VRK2: variants seen among roughly 807,000 people sequenced by gnomAD.
The protein encoded by VRK2 is VRK serine/threonine kinase 2.
A neutral mutation model predicts 57.6 loss-of-function variants in VRK2; 60 were observed. That is an observed-to-expected ratio of 1.04 (90% CI 0.85 to 1.29). The LOEUF (loss-of-function observed/expected upper bound fraction) is 1.29. Ranked by LOEUF, VRK2 falls within the 50% of genes most tolerant of loss-of-function variation. VRK2 has a pLI of 0.00. For synonymous variants in VRK2, 231 were observed against 199.2 expected (o/e 1.16, Z -1.35); for missense variants, 705 against 588.1 (o/e 1.20, Z -2.06).
intron 1 of VRK2, among the ~76,000 whole-genome samples, chr2:57,994,845 T>C (rs1672877329): frequency 6.6e-6 from 1 of 152,160 alleles, no homozygotes; most frequent in South Asian, 2.1e-4. Context: ...AATTCCTATA[T>C]TTTCCCAAAC....
chr2:58,027,937 T>C (rs557304749), intron 2 of VRK2, among the ~76,000 whole-genome samples: 1 of 152,158 alleles, frequency 6.6e-6, no homozygotes, highest in Admixed American at 6.6e-5. Flanking sequence ...AACAACATAG[T>C]TTTAGAAAAA....
intron 1 of VRK2, among the ~76,000 whole-genome samples, chr2:57,974,585 A>C (rs1672191640): frequency 6.6e-6 from 1 of 151,922 alleles, no homozygotes; most frequent in Admixed American, 6.6e-5. Flanking sequence ...CTGAAAGTAT[A>C]GACTCTTTAG....
chr2:57,982,691 G>A (rs1415403575), intron 1 of VRK2, among the ~76,000 whole-genome samples: 1 of 152,192 alleles, frequency 6.6e-6, no homozygotes, highest in Admixed American at 6.5e-5. Context: ...GCTGGCAGAT[G>A]TGGAGAATAG....
intron 3 of VRK2, among the ~76,000 whole-genome samples, chr2:58,038,943 A>G (rs1271027941): frequency 1.3e-5 from 2 of 152,146 alleles, no homozygotes; most frequent in Non-Finnish European, 2.9e-5. Context: ...AAAACCCTAA[A>G]TATCCATCTA....
At chr2:58,120,581 T>C (rs1677324651) in intron 7 of VRK2, among the ~76,000 whole-genome samples, 1 of 152,170 alleles carries the variant, frequency 6.6e-6, no homozygotes, top group African/African-American at 2.4e-5. Context: ...AGCTTAGTGA[T>C]GACAAAGACA....
At chr2:58,082,985 A>G (rs904284200) in intron 2 of VRK2, among the ~76,000 whole-genome samples, 7 of 151,794 alleles carry the variant, frequency 4.6e-5, no homozygotes, top group African/African-American at 1.7e-4. Flanking sequence ...AAAAGAGAAC[A>G]GCTGACAGAA....
At chr2:58,095,554 A>G (rs1673015927) in intron 7 of VRK2, among the ~76,000 whole-genome samples, 1 of 151,974 alleles carries the variant, frequency 6.6e-6, no homozygotes, top group South Asian at 2.1e-4. Flanking sequence ...GATTTATTCT[A>G]TTATTTCTTA....
chr2:58,154,111 A>G lies in VRK2; in HGVS notation c.1183-5238A>G, dbSNP rs555298117. Among the ~76,000 whole-genome samples the G allele has an allele frequency of 1.4e-3, 216 of 152,044 alleles. 1 individual carries two copies. The highest frequency in any genetic ancestry group is 5.0e-3 in the African/African-American group (209 of 41,512). On this transcript the variant is annotated intron_variant, in intron 12 of 12. Transcript: ENST00000340157. ...ATTATTCATACTATTCCTTTATTCA[A>G]ATCCCTTAAATGCCTGTGGGGTCTG... is the stretch of plus-strand genomic sequence containing the variant.
In VRK2 at chr2:58,088,457, C is replaced by T; in HGVS notation, c.450+11C>T. Reference sequence around the variant, plus strand: ...TTAGGTATCCGAATGGTAAGAATTACTTATTTCGCATGCTCCATTTCCAAA... The same window carrying T: ...TTAGGTATCCGAATGGTAAGAATTATTTATTTCGCATGCTCCATTTCCAAA... On this transcript the variant is annotated intron_variant, in intron 6 of 12. Transcript: ENST00000340157. 1 of 1,569,646 alleles carries T rather than the reference C, an allele frequency of 6.4e-7. No homozygotes were observed. The highest frequency in any genetic ancestry group is 8.8e-7 in the Non-Finnish European group (1 of 1,141,962).
intron 1 of VRK2, among the ~76,000 whole-genome samples, chr2:58,006,254 T>C (rs1385259704): frequency 6.6e-6 from 1 of 152,218 alleles, no homozygotes; most frequent in Non-Finnish European, 1.5e-5. Flanking sequence ...GAGCAGAGAT[T>C]CTGCATTTAA....
intron 7 of VRK2, among the ~76,000 whole-genome samples, chr2:58,108,918 A>G (rs973647459): frequency 2.0e-5 from 3 of 152,294 alleles, no homozygotes; most frequent in East Asian, 1.9e-4. Flanking sequence ...ACCCTTACTC[A>G]TCCTTTTTTC....
At chr2:57,974,620 A>G (rs1250458282) in intron 1 of VRK2, among the ~76,000 whole-genome samples, 1 of 151,926 alleles carries the variant, frequency 6.6e-6, no homozygotes. Context: ...TTGAACATAT[A>G]AACTGTGAGA....
intron 1 of VRK2, among the ~76,000 whole-genome samples, chr2:58,011,864 A>G (rs1673427837): frequency 6.6e-6 from 1 of 152,108 alleles, no homozygotes; most frequent in South Asian, 2.1e-4. Context: ...ATTTTTCAAC[A>G]ATTTTCTGAT....
chr2:57,958,600 A>T (rs779347028), intron 1 of VRK2, among the ~76,000 whole-genome samples: 6 of 151,152 alleles, frequency 4.0e-5, no homozygotes, highest in Non-Finnish European at 7.4e-5. Flanking sequence ...TTTTTCCCTC[A>T]TTTTGATGTT....
At chr2:58,038,283 G>T (rs1262001323) in intron 3 of VRK2, among the ~76,000 whole-genome samples, 1 of 152,008 alleles carries the variant, frequency 6.6e-6, no homozygotes, top group Non-Finnish European at 1.5e-5. Context: ...TCTCTTTTCT[G>T]CTGCCTTGTG....
chr2:58,131,775 C>G, intron 8 of VRK2, 33 bp from the exon 9 acceptor site: 1 of 1,559,876 alleles, frequency 6.4e-7, no homozygotes, highest in Non-Finnish European at 8.6e-7. Context: ...CTTGCTTATC[C>G]CTTATCTTTC....
At chr2:58,093,189 T>A (rs1020904722) in intron 7 of VRK2, among the ~76,000 whole-genome samples, 1 of 152,246 alleles carries the variant, frequency 6.6e-6, no homozygotes, top group Admixed American at 6.5e-5. Context: ...AGTAATGGGA[T>A]GGCTGGGTCA....
intron 1 of VRK2, among the ~76,000 whole-genome samples, chr2:57,909,729 T>C (rs769550608): frequency 1.3e-5 from 2 of 152,216 alleles, no homozygotes; most frequent in Non-Finnish European, 2.9e-5. Flanking sequence ...GAAATATTAA[T>C]AATTTGTTTA....
At chr2:58,156,853 A>C (rs188818829) in intron 12 of VRK2, among the ~76,000 whole-genome samples, 3 of 152,140 alleles carry the variant, frequency 2.0e-5, no homozygotes, top group Admixed American at 6.5e-5. Context: ...AATCTCTGTT[A>C]ATTTTTTCTC....
Sources: allele counts gnomAD v4.1 joint callset (sites outside exome capture counted in the v4.1 genomes callset), GRCh38; gene constraint gnomAD v4.1.1; transcripts MANE v1.5; gene names NCBI Gene and HGNC (gene_info 2026-07-23, HGNC 2026-07-21).